Variants in MYO3B observed in about 807,000 individuals in gnomAD.
MYO3B encodes the protein myosin IIIB.
In MYO3B, 156 loss-of-function variants were observed where a neutral mutation model predicts 174.6. That is an observed-to-expected ratio of 0.89 (90% confidence interval 0.78 to 1.02). The LOEUF (loss-of-function observed/expected upper bound fraction) is 1.02, where lower values mean the gene tolerates loss of function less well. Among genes scored for constraint, MYO3B ranks in the 50% least tolerant of loss-of-function variants. The pLI is 0.00. For missense variants in MYO3B, 1,632 were observed against 1,639.4 expected (o/e 1.00, Z 0.08); for synonymous variants, 563 against 569.1 (o/e 0.99, Z 0.15).
At chr2:170,628,533 C>T (rs1438213032) in intron 32 of MYO3B, among the ~76,000 whole-genome samples, 4 of 152,156 alleles carry the variant, frequency 2.6e-5, no homozygotes, top group African/African-American at 4.8e-5. Context: ...GGCTCACGCT[C>T]AGTGCGCTGC....
At chr2:170,521,515 C>G (rs1372208883) in intron 30 of MYO3B, among the ~76,000 whole-genome samples, 1 of 152,176 alleles carries the variant, frequency 6.6e-6, no homozygotes, top group East Asian at 1.9e-4. Context: ...GCTCTGAGCT[C>G]TTCCACCGCC....
At chr2:170,561,573 C>T (rs1433574319) in intron 32 of MYO3B, among the ~76,000 whole-genome samples, 2 of 152,148 alleles carry the variant, frequency 1.3e-5, no homozygotes, top group Non-Finnish European at 2.9e-5. Flanking sequence ...TCCTTAATAC[C>T]TTCATGTTCC....
intron 32 of MYO3B, among the ~76,000 whole-genome samples, chr2:170,544,853 A>G (rs779854739): frequency 8.5e-5 from 13 of 152,292 alleles, no homozygotes; most frequent in Non-Finnish European, 1.8e-4. Context: ...CAAAGGAAAT[A>G]TTTTCCTCAT....
At chr2:170,499,949 T>TC (rs1406600425) in intron 27 of MYO3B, 141 bp downstream of exon 27, 11 of 661,394 alleles carry the variant, frequency 1.7e-5, no homozygotes, top group Admixed American at 3.1e-5. Context: ...CTTCCTTCCT[T>TC]CTTTCCTTCC....
intron 31 of MYO3B, 87 bp from the exon 32 acceptor site, chr2:170,543,805 T>G (rs892984790): frequency 2.9e-6 from 3 of 1,021,278 alleles, no homozygotes; most frequent in Non-Finnish European, 3.0e-6. Flanking sequence ...CAGGTTTAAG[T>G]GCCCCTTCAT....
chr2:170,635,994 AC>A (rs1173084098), intron 32 of MYO3B, among the ~76,000 whole-genome samples: 1 of 152,218 alleles, frequency 6.6e-6, no homozygotes, highest in Non-Finnish European at 1.5e-5. Flanking sequence ...ATCAGCTTGA[AC>A]ACAGGTTTTC....
intron 32 of MYO3B, among the ~76,000 whole-genome samples, chr2:170,638,470 G>C (rs1697707720): frequency 6.6e-6 from 1 of 152,150 alleles, no homozygotes; most frequent in Non-Finnish European, 1.5e-5. Context: ...CATTTTGATT[G>C]GTCGTATTTA....
intron 1 of MYO3B, among the ~76,000 whole-genome samples, chr2:170,189,424 C>G (rs1287310821): frequency 6.6e-6 from 1 of 152,082 alleles, no homozygotes; most frequent in Non-Finnish European, 1.5e-5. Context: ...ACCCCTTTCT[C>G]TCTTTCTACC....
intron 32 of MYO3B, among the ~76,000 whole-genome samples, chr2:170,565,733 T>A (rs1219260963): frequency 6.6e-6 from 1 of 152,074 alleles, no homozygotes; most frequent in African/African-American, 2.4e-5. Context: ...CAAGTGAGAG[T>A]AGAGAAAGAG....
chr2:170,390,244 C>G (rs1221040600), intron 14 of MYO3B, among the ~76,000 whole-genome samples: 1 of 152,142 alleles, frequency 6.6e-6, no homozygotes, highest in Non-Finnish European at 1.5e-5. Flanking sequence ...GCCTGTGCAA[C>G]ATAGTGAGAC....
At chr2:170,497,419 T>A (rs2083213) in intron 25 of MYO3B, among the ~76,000 whole-genome samples, 140,866 of 152,172 alleles carry the variant, frequency 0.93, 66,075 homozygotes, top group Non-Finnish European at 1. Flanking sequence ...GATCGAGACC[T>A]TCCTGGCTAA....
At chr2:170,289,185 C>T (rs2093578510) in intron 7 of MYO3B, among the ~76,000 whole-genome samples, 1 of 151,780 alleles carries the variant, frequency 6.6e-6, no homozygotes, top group South Asian at 2.1e-4. Flanking sequence ...TTGTTGTGTC[C>T]TTGTCTGTTT....
chr2:170,501,599 C>T (rs1687271712), intron 27 of MYO3B, among the ~76,000 whole-genome samples, 186 bp from the exon 28 acceptor site: 2 of 152,132 alleles, frequency 1.3e-5, no homozygotes, highest in Non-Finnish European at 1.5e-5. Flanking sequence ...TCTTTAAAGC[C>T]AAGCTGTGAG....
chr2:170,561,938 C>CA (rs199924222), intron 32 of MYO3B, among the ~76,000 whole-genome samples: 2,635 of 151,850 alleles, frequency 0.017, 59 homozygotes, highest in East Asian at 0.088. Flanking sequence ...ACAACAACAA[C>CA]AAAAAGTTGA....
Position 170,380,371 on chromosome 2 carries a change from C to T in MYO3B, c.972-1645C>T, listed in dbSNP as rs371782724. 1.7e-4 allele frequency among the ~76,000 whole-genome samples: 25 copies of T among 146,948 alleles called. 1 individual carries two copies. The East Asian group carries it at 4.4e-3, about 26-fold the overall frequency. ...TTTCAACTTTATTGCATTTTTATAT[C>T]CATGACTATATGTGCTTTCACAGCT... On this transcript the variant is annotated intron_variant, in intron 9 of 34. Transcript: ENST00000408978.
intron 32 of MYO3B, among the ~76,000 whole-genome samples, chr2:170,633,681 G>T (rs1041186598): frequency 1.3e-5 from 2 of 152,150 alleles, no homozygotes; most frequent in African/African-American, 4.8e-5. Context: ...AAGTCAAATT[G>T]TCCCTGTTTG....
At chr2:170,510,502 T>G (rs903225149) in intron 28 of MYO3B, among the ~76,000 whole-genome samples, 2 of 151,772 alleles carry the variant, frequency 1.3e-5, no homozygotes, top group African/African-American at 4.8e-5. Context: ...TTAAGGGGGG[T>G]GTGTCAGTTT....
rs1341778007 is a variant in MYO3B at position 170,552,494 on chromosome 2, G to T, written c.3733+8506G>T. 2.0e-5 allele frequency among the ~76,000 whole-genome samples: 3 copies of T among 152,182 alleles called. No homozygotes were observed. In the South Asian group the frequency reaches 6.2e-4, roughly 32 times the overall value. On this transcript the variant is annotated intron_variant, in intron 32 of 34. Transcript: ENST00000408978. ...AGATGATTTAGGATATCTGGTAGAA[G>T]AAATTTCTAAGCAGCAAAGCATTCA...
At chr2:170,625,093 G>A (rs1162063033) in intron 32 of MYO3B, among the ~76,000 whole-genome samples, 2 of 152,186 alleles carry the variant, frequency 1.3e-5, no homozygotes, top group East Asian at 1.9e-4. Context: ...AATGAATTAG[G>A]GAGGATTTCG....
Sources: allele counts gnomAD v4.1 joint callset (sites outside exome capture counted in the v4.1 genomes callset), GRCh38; gene constraint gnomAD v4.1.1; transcripts MANE v1.5; gene names NCBI Gene and HGNC (gene_info 2026-07-23, HGNC 2026-07-21).